MARCKS: variants seen among roughly 807,000 people sequenced by gnomAD.
MARCKS encodes myristoylated alanine rich protein kinase C substrate.
In MARCKS, 4 loss-of-function variants were observed where a neutral mutation model predicts 6.3. That is an observed-to-expected ratio of 0.63 (90% CI 0.31 to 1.45). The LOEUF (loss-of-function observed/expected upper bound fraction) is 1.45, where lower values mean the gene tolerates loss of function less well. Among genes scored for constraint, MARCKS ranks in the 40% most tolerant of loss-of-function variants. The probability of loss-of-function intolerance (pLI) is 0.07; values close to 1 mark genes in which losing one functional copy is unlikely to be tolerated. For synonymous variants in MARCKS, 289 were observed against 236.5 expected (o/e 1.22, Z -2.04); for missense variants, 636 against 485.7 (o/e 1.31, Z -2.91).
At position 113,860,137 on chromosome 6, in the gene MARCKS, C is replaced by CTGA; in HGVS notation, c.557_558insTGA (p.Ala186_Pro187insGlu). On this transcript the variant is annotated inframe_insertion, in exon 2 of 2. Coordinates refer to ENST00000612661, the MANE Select transcript of MARCKS (RefSeq NM_002356.7). ...GCTGGAGAAGGCGGTGAGGCTGAGGCGCCCGCTGCCGAAGGCGGCAAGGAC... is the reference window on the plus strand; with the variant it reads ...GCTGGAGAAGGCGGTGAGGCTGAGGCTGAGCCCGCTGCCGAAGGCGGCAAGGAC... The CTGA allele has an allele frequency of 6.7e-7, 1 of 1,483,438 alleles. No homozygotes were observed. The highest frequency in any genetic ancestry group is 9.0e-7 in the Non-Finnish European group (1 of 1,113,844). The allele number at this position is 1,483,438 out of a possible 1,614,324, so 91.9% of individuals were successfully genotyped here.
intron 1 of MARCKS, among the ~76,000 whole-genome samples, chr6:113,858,937 G>A (rs904174035): frequency 3.9e-5 from 6 of 152,246 alleles, no homozygotes; most frequent in Non-Finnish European, 7.3e-5. Flanking sequence ...CAGCCCGACC[G>A]GCAGGCCAGG....
intron 1 of MARCKS, among the ~76,000 whole-genome samples, chr6:113,858,295 A>T (rs1445266562): frequency 6.6e-6 from 1 of 151,136 alleles, no homozygotes; most frequent in Non-Finnish European, 1.5e-5. Context: ...AGGGGGGCGC[A>T]ATGGGGATGG....
rs1224443770 is a variant in MARCKS at position 113,857,780 on chromosome 6, G to A, written c.35G>A (p.Gly12Glu). Reference sequence around the variant, plus strand: ...CAGTTCTCCAAGACCGCAGCGAAGGGAGAAGCCGCCGCGGAGAGGCCTGGG... The same window carrying A: ...CAGTTCTCCAAGACCGCAGCGAAGGAAGAAGCCGCCGCGGAGAGGCCTGGG... ...GAQFSKTAAKGEAAAERPGEA... is the reference protein window; with the variant it reads ...GAQFSKTAAKEEAAAERPGEA... Residue 12 changes from glycine (G) to glutamate (E), a missense_variant, in exon 1 of 2, where the codon GGA becomes GAA. Transcript: ENST00000612661. 5.0e-6 allele frequency: 8 copies of A among 1,609,534 alleles called. No homozygotes were observed. The highest frequency in any genetic ancestry group is 6.8e-6 in the Non-Finnish European group (8 of 1,178,204).
chr6:113,857,472 G>A lies in MARCKS; in HGVS notation c.-274G>A. 2.3e-6 allele frequency: 1 copy of A among 429,622 alleles called. No individual in the cohort carries two copies. The highest frequency in any genetic ancestry group is 4.1e-6 in the Non-Finnish European group (1 of 241,106). The allele number at this position is 429,622 out of a possible 1,614,324, so 26.6% of individuals were successfully genotyped here. ...TCTTTTTTTTTCGAACTACACTTGGGCTCCTTTTTTTGTGCTCGACTTTTC... is the reference window on the plus strand; with the variant it reads ...TCTTTTTTTTTCGAACTACACTTGGACTCCTTTTTTTGTGCTCGACTTTTC... On this transcript the variant is annotated 5_prime_UTR_variant, in exon 1 of 2. Coordinates refer to ENST00000612661, the MANE Select transcript of MARCKS (RefSeq NM_002356.7).
Position 113,859,834 on chromosome 6 carries a change from C to T in MARCKS, c.254C>T (p.Ala85Val), listed in dbSNP as rs1243005112. 3.1e-6 allele frequency: 4 copies of T among 1,291,136 alleles called. No homozygotes were observed. Among genetic ancestry groups the T allele is most frequent in the East Asian group, 3.3e-5 (1 of 29,904 alleles). The allele number at this position is 1,291,136 out of a possible 1,614,324, so 80.0% of individuals were successfully genotyped here. ...AGSGAASPSA[A>V]EKGEPAAAAA... Reference sequence around the variant, plus strand: ...AGCGGGGCGGCGTCGCCCTCCGCGGCCGAGAAAGGTGAGCCGGCCGCCGCC... The same window carrying T: ...AGCGGGGCGGCGTCGCCCTCCGCGGTCGAGAAAGGTGAGCCGGCCGCCGCC... Residue 85 changes from alanine to valine, a missense_variant, in exon 2 of 2, where the codon GCC becomes GTC. Ala to Val is a moderately conservative substitution (Grantham distance 64). Coordinates refer to ENST00000612661, the MANE Select transcript of MARCKS (RefSeq NM_002356.7).
rs191924420 is a variant in MARCKS, at chr6:113,857,891, T to C, written c.102+44T>C. On this transcript the variant is annotated intron_variant, in intron 1 of 1. Coordinates refer to ENST00000612661, the MANE Select transcript of MARCKS (RefSeq NM_002356.7). ...TGTGGTCATTTATTTCGTGTCTTTCTCTCCTTCCCTCCTGGTGGCTCCCAA... is the reference window on the plus strand; with the variant it reads ...TGTGGTCATTTATTTCGTGTCTTTCCCTCCTTCCCTCCTGGTGGCTCCCAA... The C allele has an allele frequency of 5.7e-4, 836 of 1,471,058 alleles. 1 individual carries two copies. The highest frequency in any genetic ancestry group is 3.9e-3 in the Middle Eastern group (18 of 4,674). The allele number at this position is 1,471,058 out of a possible 1,614,324, so 91.1% of individuals were successfully genotyped here. A position where few individuals can be genotyped will look rare whatever the true frequency, so the allele number is the denominator to read the frequency against.
chr6:113,859,753 T>C lies in MARCKS; in HGVS notation c.173T>C (p.Leu58Pro). The change falls in exon 2 of 2, where the codon CTG becomes CCG. Residue 58 changes from leucine (L) to proline (P), a missense_variant. Coordinates refer to ENST00000612661, the MANE Select transcript of MARCKS (RefSeq NM_002356.7). The stretch of plus-strand genomic sequence containing the variant: ...GCCGAGTCGGGCGCCAAGGAGGAGC[T>C]GCAGGCCAACGGCAGCGCCCCGGCC... ...AAAESGAKEE[L>P]QANGSAPAAD... The C allele has an allele frequency of 6.7e-7, 1 of 1,489,904 alleles. No homozygotes were observed. The highest frequency in any genetic ancestry group is 8.9e-7 in the Non-Finnish European group (1 of 1,120,682). The allele number at this position is 1,489,904 out of a possible 1,614,324, so 92.3% of individuals were successfully genotyped here.
chr6:113,858,273 G>T (rs935517601), intron 1 of MARCKS, among the ~76,000 whole-genome samples: 14 of 151,946 alleles, frequency 9.2e-5, no homozygotes, highest in Admixed American at 9.2e-4. Flanking sequence ...TGGCGGGGGG[G>T]GGAGTCGGGA....
chr6:113,860,168 C>G lies in MARCKS; in HGVS notation c.588C>G (p.Ala196=). 5 of 1,326,274 alleles carry G rather than the reference C, an allele frequency of 3.8e-6. No homozygotes were observed. The highest frequency in any genetic ancestry group is 4.9e-6 in the Non-Finnish European group (5 of 1,030,384). The allele number at this position is 1,326,274 out of a possible 1,614,324, so 82.2% of individuals were successfully genotyped here. A position where few individuals can be genotyped will look rare whatever the true frequency, so the allele number is the denominator to read the frequency against. Residue 196 remains alanine (A), a synonymous_variant, in exon 2 of 2, where the codon GCC becomes GCG. Transcript: ENST00000612661. ...APAAEGGKDE[A]AGGAAAAAAE... ...CTGCCGAAGGCGGCAAGGACGAGGC[C>G]GCCGGGGGCGCAGCTGCGGCCGCCG...
Position 113,859,861 on chromosome 6 carries a change from CT to C in MARCKS, c.282del (p.Ala95ProfsTer9). ...GAGAAAGGTGAGCCGGCCGCCGCCG[CT>C]GCCCCCGAGGCCGGGGCCAGCCCGG... Reference protein sequence around the residue: ...AAEKGEPAAAAAPEAGASPVE... With the variant: ...AAEKGEPAAAXAPEAGASPVE... On this transcript the variant is annotated frameshift_variant, in exon 2 of 2. Coordinates refer to ENST00000612661, the MANE Select transcript of MARCKS (RefSeq NM_002356.7). LOFTEE classifies it low-confidence loss of function (END_TRUNC). 1 of 1,322,938 alleles carries C rather than the reference CT, an allele frequency of 7.6e-7. No individual in the cohort carries two copies. The highest frequency in any genetic ancestry group is 9.6e-7 in the Non-Finnish European group (1 of 1,038,410). The allele number at this position is 1,322,938 out of a possible 1,614,324, so 81.9% of individuals were successfully genotyped here. A position where few individuals can be genotyped will look rare whatever the true frequency, so the allele number is the denominator to read the frequency against.
intron 1 of MARCKS, 62 bp from the exon 2 acceptor site, chr6:113,859,621 G>A: frequency 2.2e-6 from 3 of 1,380,402 alleles, no homozygotes. Flanking sequence ...GTCCAGGGCT[G>A]GGGGCGGGAA....
chr6:113,860,272 G>T lies in MARCKS; in HGVS notation c.692G>T (p.Gly231Val), dbSNP rs1480699135. ...GCAGCGGGCGAGGAGGGGGCGGCGG[G>T]TGGCGACCCGCAGGAGGCCAAGCCC... ...EAAAGEEGAA[G>V]GDPQEAKPQE... The change falls in exon 2 of 2, where the codon GGT becomes GTT. Residue 231 changes from glycine (G) to valine (V), a missense_variant. Coordinates refer to ENST00000612661, the MANE Select transcript of MARCKS (RefSeq NM_002356.7). 1.7e-6 allele frequency: 2 copies of T among 1,194,650 alleles called. No individual in the cohort carries two copies. Among genetic ancestry groups the T allele is most frequent in the Admixed American group, 4.2e-5 (1 of 23,604 alleles). 74.0% of individuals were successfully genotyped at this position (1,194,650 alleles called of 1,614,324 possible).
rs1353883411 is a variant in MARCKS, at chr6:113,860,152, G to A, written c.572G>A (p.Gly191Asp). 2 of 1,441,734 alleles carry A rather than the reference G, an allele frequency of 1.4e-6. No homozygotes were observed. Among genetic ancestry groups the A allele is most frequent in the Non-Finnish European group, 1.8e-6 (2 of 1,092,994 alleles). 89.3% of individuals were successfully genotyped at this position (1,441,734 alleles called of 1,614,324 possible). A position where few individuals can be genotyped will look rare whatever the true frequency, so the allele number is the denominator to read the frequency against. Residue 191 changes from glycine (G) to aspartate (D), a missense_variant, in exon 2 of 2, where the codon GGC becomes GAC. Transcript: ENST00000612661. Reference protein sequence around the residue: ...GGEAEAPAAEGGKDEAAGGAA... With the variant: ...GGEAEAPAAEDGKDEAAGGAA... ...GAGGCTGAGGCGCCCGCTGCCGAAG[G>A]CGGCAAGGACGAGGCCGCCGGGGGC...
At chr6:113,859,419 G>A (rs968482684) in intron 1 of MARCKS, among the ~76,000 whole-genome samples, 2 of 152,186 alleles carry the variant, frequency 1.3e-5, no homozygotes, top group Admixed American at 6.5e-5. Context: ...TAGGGCACTT[G>A]CTGAATGGCT....
chr6:113,859,545 C>G (rs901133010), intron 1 of MARCKS, 138 bp from the exon 2 acceptor site: 3 of 705,480 alleles, frequency 4.3e-6, no homozygotes, highest in Admixed American at 8.9e-5. Context: ...GCGCCTCCCT[C>G]CCCACAACGG....
Position 113,860,420 on chromosome 6 carries a change from G to A in MARCKS, c.840G>A (p.Glu280=). The change falls in exon 2 of 2, where the codon GAG becomes GAA. Residue 280 remains glutamate (E), a synonymous_variant. Transcript: ENST00000612661. The stretch of plus-strand genomic sequence containing the variant: ...CCGGGGCCAGCGCCGCCGCCTGCGA[G>A]GCCCCCTCCGCCGCCGGGCCCGGCG... ...EEAGASAAAC[E]APSAAGPGAP... The A allele has an allele frequency of 8.7e-7, 1 of 1,152,408 alleles. No individual in the cohort carries two copies. Among genetic ancestry groups the A allele is most frequent in the African/African-American group, 1.7e-5 (1 of 59,394 alleles). The allele number at this position is 1,152,408 out of a possible 1,614,324, so 71.4% of individuals were successfully genotyped here.
At chr6:113,858,815 C>G (rs1361264021) in intron 1 of MARCKS, among the ~76,000 whole-genome samples, 1 of 152,260 alleles carries the variant, frequency 6.6e-6, no homozygotes, top group Non-Finnish European at 1.5e-5. Flanking sequence ...GTTAAAAATG[C>G]AAAATGAGCC....
Position 113,859,967 on chromosome 6 carries a change from C to T in MARCKS, c.387C>T (p.Ala129=), listed in dbSNP as rs1432605743. 1 of 1,527,184 alleles carries T rather than the reference C, an allele frequency of 6.5e-7. No homozygotes were observed. The highest frequency in any genetic ancestry group is 1.4e-5 in the African/African-American group (1 of 70,222). 94.6% of individuals were successfully genotyped at this position (1,527,184 alleles called of 1,614,324 possible). ...PTAAEGEAAS[A]ASSTSSPKAE... The stretch of plus-strand genomic sequence containing the variant: ...CCGCGGAGGGAGAGGCCGCGTCGGC[C>T]GCCTCCTCGACTTCTTCGCCCAAGG... The change falls in exon 2 of 2, where the codon GCC becomes GCT. Residue 129 remains alanine, a synonymous_variant. Transcript: ENST00000612661.
At position 113,859,906 on chromosome 6, in the gene MARCKS, C is replaced by T. The variant is rs749287169; in HGVS notation, c.326C>T (p.Ala109Val). 2.8e-6 allele frequency: 4 copies of T among 1,448,524 alleles called. No individual in the cohort carries two copies. Among genetic ancestry groups the T allele is most frequent in the Non-Finnish European group, 1.8e-6 (2 of 1,103,978 alleles). The allele number at this position is 1,448,524 out of a possible 1,614,324, so 89.7% of individuals were successfully genotyped here. A position where few individuals can be genotyped will look rare whatever the true frequency, so the allele number is the denominator to read the frequency against. Residue 109 changes from alanine (A) to valine (V), a missense_variant, in exon 2 of 2, where the codon GCG becomes GTG. Ala to Val is a moderately conservative substitution (Grantham distance 64). Transcript: ENST00000612661. The stretch of plus-strand genomic sequence containing the variant: ...AGCCCGGTAGAGAAGGAGGCCCCCG[C>T]GGAAGGCGAGGCTGCCGAGCCCGGC... ...GASPVEKEAPAEGEAAEPGSP... is the reference protein window; with the variant it reads ...GASPVEKEAPVEGEAAEPGSP...
Sources: allele counts gnomAD v4.1 joint callset (sites outside exome capture counted in the v4.1 genomes callset), GRCh38; gene constraint gnomAD v4.1.1; transcripts MANE v1.5; gene names NCBI Gene and HGNC (gene_info 2026-07-23, HGNC 2026-07-21).